MROH1: variants seen among roughly 807,000 people sequenced by gnomAD.
The protein encoded by MROH1 is maestro heat like repeat family member 1.
In MROH1, 117 loss-of-function variants were observed where a neutral mutation model predicts 116.5. The ratio of observed to expected loss-of-function variants is 1.00; its 90% confidence interval spans 0.86 to 1.17. The LOEUF is 1.17. Ranked by LOEUF, MROH1 falls within the 50% of genes most tolerant of loss-of-function variation. The pLI is 0.00. For synonymous variants in MROH1, 921 were observed against 583.9 expected (o/e 1.58, Z -8.32); for missense variants, 1,873 against 1,338.5 (o/e 1.40, Z -6.23).
At chr8:144,242,851 G>A (rs1394034583) in intron 24 of MROH1, among the ~76,000 whole-genome samples, 1 of 152,198 alleles carries the variant, frequency 6.6e-6, no homozygotes, top group Non-Finnish European at 1.5e-5. Flanking sequence ...CCTCCGAGGG[G>A]CCGGGTCGTG....
At chr8:144,207,410 T>C (rs1462586896) in intron 12 of MROH1, among the ~76,000 whole-genome samples, 3 of 151,938 alleles carry the variant, frequency 2.0e-5, no homozygotes. Flanking sequence ...ATGGTCTTGA[T>C]CTTCTGACCT....
chr8:144,256,351 G>A (rs1588533513), intron 35 of MROH1, among the ~76,000 whole-genome samples: 1 of 152,004 alleles, frequency 6.6e-6, no homozygotes, highest in Non-Finnish European at 1.5e-5. Flanking sequence ...AGGTTTGGGT[G>A]TGCACCTTGG....
chr8:144,240,965 G>A (rs1239487772), intron 20 of MROH1, 27 bp from the exon 21 acceptor site: 1 of 728,794 alleles, frequency 1.4e-6, no homozygotes, highest in Non-Finnish European at 2.5e-6. Context: ...GAGTCAGGCA[G>A]AGCCGTGTTC....
intron 33 of MROH1, 184 bp downstream of exon 33, chr8:144,250,550 ACCTCT>A (rs1335828359): frequency 3.0e-6 from 2 of 669,382 alleles, no homozygotes; most frequent in Admixed American, 2.1e-5. Flanking sequence ...ACCCACGGGG[ACCTCT>A]CCTCTCCAGG....
chr8:144,204,711 A>G (rs1467273482), intron 12 of MROH1, among the ~76,000 whole-genome samples: 2 of 152,174 alleles, frequency 1.3e-5, no homozygotes, highest in Non-Finnish European at 2.9e-5. Context: ...GGTGAAATTT[A>G]TACATATAGT....
At chr8:144,179,719 C>T (rs1825059245) in intron 5 of MROH1, 133 bp downstream of exon 5, 19 of 1,146,762 alleles carry the variant, frequency 1.7e-5, no homozygotes, top group Non-Finnish European at 2.2e-5. Context: ...AGATGCCCTT[C>T]GGTCTCATGC....
At position 144,253,488 on chromosome 8, in the gene MROH1, T is replaced by C. The variant is rs1047869056; in HGVS notation, c.3429-1325T>C. 5.3e-5 allele frequency among the ~76,000 whole-genome samples: 8 copies of C among 152,298 alleles called. No homozygotes were observed. The South Asian group carries it at 1.7e-3, about 32-fold the overall frequency. On this transcript the variant is annotated intron_variant, in intron 33 of 43. Coordinates refer to ENST00000326134, the MANE Select transcript of MROH1 (RefSeq NM_032450.3). ...TGGGCACAGGTTGGCTTGGCTGTTG[T>C]ATGCAGCCTCATGGGGGCCCACAGT... is the stretch of plus-strand genomic sequence containing the variant.
Position 144,163,958 on chromosome 8 carries a change from C to T in MROH1, c.22+110C>T. 3.3e-6 allele frequency: 4 copies of T among 1,195,370 alleles called. No individual in the cohort carries two copies. The East Asian group carries it at 7.3e-5, about 22-fold the overall frequency. 74.0% of individuals were successfully genotyped at this position (1,195,370 alleles called of 1,614,324 possible). On this transcript the variant is annotated intron_variant, in intron 3 of 43. Coordinates refer to ENST00000326134, the MANE Select transcript of MROH1 (RefSeq NM_032450.3). The surrounding 1 kb of genome is among the most constrained non-coding windows in gnomAD (Gnocchi z 4.4). ...TCCAATGGTGCCTAGAGTTTCCACC[C>T]TATACTCGGGAGCCTGAGTGGGTTC...
intron 12 of MROH1, among the ~76,000 whole-genome samples, chr8:144,205,742 G>T (rs1391581989): frequency 6.6e-6 from 1 of 152,022 alleles, no homozygotes; most frequent in Non-Finnish European, 1.5e-5. Context: ...CCTTCTCTGG[G>T]ATTCCCTGTT....
intron 31 of MROH1, 94 bp from the exon 32 acceptor site, chr8:144,248,783 C>T (rs899348838): frequency 1.4e-4 from 104 of 718,152 alleles, no homozygotes; most frequent in Non-Finnish European, 2.3e-4. Flanking sequence ...TGTGGCTTCC[C>T]GCCCTAACGC....
intron 1 of MROH1, among the ~76,000 whole-genome samples, chr8:144,159,617 C>T (rs1818996761): frequency 6.6e-6 from 1 of 152,138 alleles, no homozygotes; most frequent in African/African-American, 2.4e-5. Flanking sequence ...TTAATCTTTC[C>T]TGTAGTTTCT....
intron 13 of MROH1, 109 bp downstream of exon 13, chr8:144,220,782 G>A: frequency 6.8e-6 from 6 of 887,244 alleles, no homozygotes; most frequent in East Asian, 2.6e-5. Flanking sequence ...CACCACCCTT[G>A]GCTGGACTGA....
At chr8:144,257,629 C>T (rs1844137380) in intron 35 of MROH1, among the ~76,000 whole-genome samples, 1 of 152,172 alleles carries the variant, frequency 6.6e-6, no homozygotes, top group Admixed American at 6.5e-5. Flanking sequence ...CCTCACACAC[C>T]ATCCAGGCGA....
rs1028648067 is a variant in MROH1, at chr8:144,239,068, C to T, written c.1480C>T (p.Pro494Ser). 4 of 777,934 alleles carry T rather than the reference C, an allele frequency of 5.1e-6. No individual in the cohort carries two copies. In the East Asian group the frequency reaches 7.3e-5, roughly 14 times the overall value. 48.2% of individuals were successfully genotyped at this position (777,934 alleles called of 1,614,324 possible). Residue 494 changes from proline (P) to serine (S), a missense_variant, in exon 16 of 44, where the codon CCT becomes TCT. Coordinates refer to ENST00000326134, the MANE Select transcript of MROH1 (RefSeq NM_032450.3). Reference protein sequence around the residue: ...LWPYLLQFLTPVRFTGALTPL... With the variant: ...LWPYLLQFLTSVRFTGALTPL... Reference sequence around the variant, plus strand: ...GCCATACCTGCTCCAGTTCCTCACCCCTGTGCGCTTCACTGGGGCCCTGAC... The same window carrying T: ...GCCATACCTGCTCCAGTTCCTCACCTCTGTGCGCTTCACTGGGGCCCTGAC...
intron 14 of MROH1, among the ~76,000 whole-genome samples, chr8:144,233,802 T>G (rs907065167): frequency 3.3e-5 from 5 of 152,220 alleles, no homozygotes; most frequent in African/African-American, 1.2e-4. Flanking sequence ...CTGTGAACAT[T>G]GTTGCTTTGT....
Position 144,259,423 on chromosome 8 carries a change from CCTTTT to C in MROH1, c.4044+73_4044+77del, listed in dbSNP as rs1485167923. On this transcript the variant is annotated intron_variant, in intron 37 of 43. Transcript: ENST00000326134. ...CCTGCTCAGGACAGGCACGGGATGCCCTTTTCTTACCCCTAAAAGGCCCCCTCGAC... is the reference window on the plus strand; with the variant it reads ...CCTGCTCAGGACAGGCACGGGATGCCCTTACCCCTAAAAGGCCCCCTCGAC... 3,118 of 711,410 alleles carry C rather than the reference CCTTTT, an allele frequency of 4.4e-3. 10 individuals carry two copies. Among genetic ancestry groups the C allele is most frequent in the Non-Finnish European group, 6.7e-3 (2,564 of 384,686 alleles). 44.1% of individuals were successfully genotyped at this position (711,410 alleles called of 1,614,324 possible). A position where few individuals can be genotyped will look rare whatever the true frequency, so the allele number is the denominator to read the frequency against.
In MROH1 at chr8:144,260,353, C is replaced by T. The variant is rs1474231635; in HGVS notation, c.4359C>T (p.Arg1453=). The change falls in exon 39 of 44, where the codon CGC becomes CGT. Residue 1453 remains arginine (R), a synonymous_variant. Coordinates refer to ENST00000326134, the MANE Select transcript of MROH1 (RefSeq NM_032450.3). ...LRSGLLHVAI[R]IRPFFDSEKM... ...CAGGGCTGCTGCACGTGGCCATCCG[C>T]ATCCGGCCTTTCTTCGACAGTGTAG... 1.2e-5 allele frequency: 9 copies of T among 727,832 alleles called. No individual in the cohort carries two copies. Among genetic ancestry groups the T allele is most frequent in the South Asian group, 5.8e-5 (4 of 69,366 alleles). The allele number at this position is 727,832 out of a possible 1,614,324, so 45.1% of individuals were successfully genotyped here. A position where few individuals can be genotyped will look rare whatever the true frequency, so the allele number is the denominator to read the frequency against.
intron 1 of MROH1, among the ~76,000 whole-genome samples, chr8:144,155,794 G>A (rs1443889078): frequency 6.6e-6 from 1 of 151,650 alleles, no homozygotes; most frequent in African/African-American, 2.4e-5. Flanking sequence ...CCACCACTCA[G>A]GCTAATTTTT....
intron 7 of MROH1, among the ~76,000 whole-genome samples, chr8:144,187,609 C>T (rs995902518): frequency 1.3e-5 from 2 of 152,206 alleles, no homozygotes; most frequent in Admixed American, 1.3e-4. Flanking sequence ...TTCCTGTGTA[C>T]TAGACTCAGA....
Sources: allele counts gnomAD v4.1 joint callset (sites outside exome capture counted in the v4.1 genomes callset), GRCh38; gene constraint gnomAD v4.1.1; non-coding constraint Gnocchi (gnomAD v3.1); transcripts MANE v1.5; gene names NCBI Gene and HGNC (gene_info 2026-07-23, HGNC 2026-07-21).